Variants in GRIA3 observed in about 807,000 individuals in gnomAD.
The protein encoded by GRIA3 is glutamate receptor 3.
Under a neutral mutation model 63.0 loss-of-function variants are expected in GRIA3, and 3 were observed. The observed-to-expected ratio is 0.05, with a 90% CI of 0.02 to 0.12. GRIA3 has a LOEUF of 0.12. GRIA3 is among the 10% of genes least tolerant of loss of function. The pLI, the probability that GRIA3 is intolerant of heterozygous loss-of-function variation, is 1.00. For synonymous variants in GRIA3, 274 were observed against 257.9 expected (o/e 1.06, Z -0.60); for missense variants, 347 against 700.9 (o/e 0.50, Z 5.70).
chrX:123,226,725 A>C (rs769773521), intron 2 of GRIA3, among the ~76,000 whole-genome samples: 2 of 111,911 alleles, frequency 1.8e-5, no homozygotes, highest in African/African-American at 6.5e-5. Context: ...TGATATTAAA[A>C]CATAATAATT....
chrX:123,205,356 A>G (rs1569398407), intron 2 of GRIA3, among the ~76,000 whole-genome samples: 1 of 112,000 alleles, frequency 8.9e-6, no homozygotes, highest in Non-Finnish European at 1.9e-5. Flanking sequence ...TATTTTAATC[A>G]TTTTTGAAGA....
At chrX:123,204,666 A>G (rs1461370056) in intron 2 of GRIA3, 2 of 1,049,166 alleles carry the variant, frequency 1.9e-6, no homozygotes. Context: ...ATAAAGGAAC[A>G]TTAATTTATT....
chrX:123,302,280 G>A (rs1015374241), intron 3 of GRIA3, among the ~76,000 whole-genome samples: 1 of 111,833 alleles, frequency 8.9e-6, no homozygotes, highest in African/African-American at 3.2e-5. Flanking sequence ...TCTTCTGTAT[G>A]ACCTTGAGTC....
At chrX:123,389,683 TTG>T (rs2045373530) in intron 5 of GRIA3, among the ~76,000 whole-genome samples, 2 of 69,364 alleles carry the variant, frequency 2.9e-5, no homozygotes, top group African/African-American at 1.0e-4. Flanking sequence ...TATTTTTCTT[TTG>T]TTTTTGTTGT....
At chrX:123,432,514 C>A (rs2045623662) in intron 12 of GRIA3, among the ~76,000 whole-genome samples, 1 of 111,646 alleles carries the variant, frequency 9.0e-6, no homozygotes, top group African/African-American at 3.3e-5. Context: ...ACTGGATGGC[C>A]CAGCCAGGTC....
chrX:123,293,148 C>T (rs752928100), intron 3 of GRIA3, among the ~76,000 whole-genome samples: 1 of 110,338 alleles, frequency 9.1e-6, no homozygotes, highest in Admixed American at 9.7e-5. Context: ...GAGTAGGTGG[C>T]CACTAGACCC....
intron 2 of GRIA3, among the ~76,000 whole-genome samples, chrX:123,200,921 C>CAGAA (rs1308951107): frequency 9.0e-6 from 1 of 111,616 alleles, no homozygotes; most frequent in African/African-American, 3.3e-5. Flanking sequence ...TGGTTATGAT[C>CAGAA]AGAAGCCAGA....
chrX:123,476,339 C>T (rs2045886962), intron 13 of GRIA3, among the ~76,000 whole-genome samples: 1 of 111,490 alleles, frequency 9.0e-6, no homozygotes, highest in Non-Finnish European at 1.9e-5. Flanking sequence ...TTTCCACTTC[C>T]TTCAAAATAC....
chrX:123,350,718 C>T (rs1438459672), intron 4 of GRIA3, among the ~76,000 whole-genome samples: 3 of 112,274 alleles, frequency 2.7e-5, no homozygotes, highest in African/African-American at 9.7e-5. Context: ...GATTCACTAA[C>T]TTCTTTGACA....
At chrX:123,419,251 T>C (rs777854441) in intron 11 of GRIA3, among the ~76,000 whole-genome samples, 2 of 110,446 alleles carry the variant, frequency 1.8e-5, no homozygotes, top group East Asian at 5.7e-4. Context: ...CTACTAAAAA[T>C]ACAAAAAATT....
intron 12 of GRIA3, among the ~76,000 whole-genome samples, chrX:123,447,922 T>C (rs1269699865): frequency 8.9e-6 from 1 of 112,286 alleles, no homozygotes; most frequent in Admixed American, 9.4e-5. Context: ...TGGGGAATTG[T>C]GAGTGTTGTC....
chrX:123,255,030 T>C (rs1313930096), intron 3 of GRIA3, among the ~76,000 whole-genome samples: 3 of 112,180 alleles, frequency 2.7e-5, no homozygotes, highest in Non-Finnish European at 5.6e-5. Flanking sequence ...CTGTGATACA[T>C]ACATATATAA....
intron 3 of GRIA3, among the ~76,000 whole-genome samples, chrX:123,286,735 A>G (rs376271367): frequency 3.5e-4 from 39 of 111,900 alleles, no homozygotes; most frequent in African/African-American, 1.3e-3. Context: ...ATCCCTGAAT[A>G]CACCAATAAC....
chrX:123,293,328 A>G (rs1415417581), intron 3 of GRIA3, among the ~76,000 whole-genome samples: 1 of 111,856 alleles, frequency 8.9e-6, no homozygotes, highest in African/African-American at 3.2e-5. Flanking sequence ...CACCCAGTAT[A>G]GTGTCTTACA....
intron 2 of GRIA3, among the ~76,000 whole-genome samples, chrX:123,245,216 G>T (rs967432482): frequency 1.8e-5 from 2 of 112,321 alleles, no homozygotes; most frequent in African/African-American, 6.5e-5. Context: ...CAATGCATTA[G>T]AAGAAACAGG....
At chrX:123,329,462 C>T (rs1030870899) in intron 4 of GRIA3, among the ~76,000 whole-genome samples, 2 of 111,575 alleles carry the variant, frequency 1.8e-5, no homozygotes, top group Non-Finnish European at 3.8e-5. Flanking sequence ...TATTTTTTCC[C>T]CAAACCTCTT....
At chrX:123,228,627 G>A (rs139103103) in intron 2 of GRIA3, among the ~76,000 whole-genome samples, 3 of 111,666 alleles carry the variant, frequency 2.7e-5, no homozygotes, top group Admixed American at 9.5e-5. Flanking sequence ...ATGCCTTCTG[G>A]TATTAAGGAT....
At chrX:123,282,640 T>A (rs1322719240) in intron 3 of GRIA3, among the ~76,000 whole-genome samples, 1 of 112,788 alleles carries the variant, frequency 8.9e-6, no homozygotes, top group Non-Finnish European at 1.9e-5. Flanking sequence ...GAGCAGTGGC[T>A]CATGCTTATA....
chrX:123,348,316 G>A (rs897747180), intron 4 of GRIA3, among the ~76,000 whole-genome samples: 3 of 111,851 alleles, frequency 2.7e-5, no homozygotes, highest in African/African-American at 9.7e-5. Context: ...GAAGATATCA[G>A]GAATGCTGTA....
Sources: allele counts gnomAD v4.1 joint callset (sites outside exome capture counted in the v4.1 genomes callset), GRCh38; gene constraint gnomAD v4.1.1; transcripts MANE v1.5; gene names NCBI Gene and HGNC (gene_info 2026-07-23, HGNC 2026-07-21).